RHPN1: variants seen among roughly 807,000 people sequenced by gnomAD.
RHPN1 encodes the protein rhophilin-1.
Under a neutral mutation model 74.7 loss-of-function variants are expected in RHPN1, and 77 were observed. The observed-to-expected ratio is 1.03, with a 90% CI of 0.86 to 1.25. RHPN1 has a LOEUF of 1.25. Among genes scored for constraint, RHPN1 ranks in the 50% most tolerant of loss-of-function variants. RHPN1 has a pLI of 0.00. For missense variants in RHPN1, 987 were observed against 932.2 expected (o/e 1.06, Z -0.77); for synonymous variants, 444 against 414.5 (o/e 1.07, Z -0.87).
At chr8:143,368,480 C>G (rs988735665), upstream of RHPN1, 1 of 152,484 alleles carries the variant, frequency 6.6e-6, no homozygotes, top group African/African-American at 2.4e-5. Flanking sequence ...AGCGGGCAGA[C>G]TCCTGGAGTC....
At chr8:143,374,991 A>G (rs1391084078) in intron 1 of RHPN1, among the ~76,000 whole-genome samples, 1 of 152,182 alleles carries the variant, frequency 6.6e-6, no homozygotes, top group East Asian at 1.9e-4. Context: ...AACCATTCCC[A>G]AAGTCAGACC....
intron 1 of RHPN1, among the ~76,000 whole-genome samples, chr8:143,371,323 G>T (rs1462332349): frequency 6.6e-6 from 1 of 152,152 alleles, no homozygotes; most frequent in Non-Finnish European, 1.5e-5. Context: ...CTTGCATTCA[G>T]GTGAGACTTC....
Position 143,375,533 on chromosome 8 carries a change from C to T in RHPN1, c.61-20C>T, listed in dbSNP as rs770093608. 1.7e-5 allele frequency: 27 copies of T among 1,549,280 alleles called. No individual in the cohort carries two copies. Among genetic ancestry groups the T allele is most frequent in the Admixed American group, 4.1e-5 (2 of 48,364 alleles). On this transcript the variant is annotated intron_variant, in intron 1 of 14. Coordinates refer to ENST00000289013, the MANE Select transcript of RHPN1 (RefSeq NM_052924.3). ...GGGCGCCACGGGGTCGGGCTGTGAT[C>T]GCCTGTGGCCTCCCTGCAGGGCTGT...
chr8:143,380,413 C>T lies in RHPN1; in HGVS notation c.1217-176C>T, dbSNP rs1586830853. On this transcript the variant is annotated intron_variant, in intron 10 of 14. Transcript: ENST00000289013. ...ACTGGGAGCAGCTCATCCCTGGCCC[C>T]TGCTTTGCACGTGGCAGAGCCCTCC... 5 of 672,342 alleles carry T rather than the reference C, an allele frequency of 7.4e-6. No individual in the cohort carries two copies. The East Asian group carries it at 1.1e-4, about 15-fold the overall frequency. 41.6% of individuals were successfully genotyped at this position (672,342 alleles called of 1,614,324 possible). A position where few individuals can be genotyped will look rare whatever the true frequency, so the allele number is the denominator to read the frequency against.
At chr8:143,381,496 G>A in intron 12 of RHPN1, 76 bp from the exon 13 acceptor site, 1 of 1,525,444 alleles carries the variant, frequency 6.6e-7, no homozygotes, top group Non-Finnish European at 8.8e-7. Context: ...TGCACAGGTT[G>A]GATGGATGTG....
At chr8:143,381,427 C>A (rs777467637) in intron 12 of RHPN1, 83 bp downstream of exon 12, 506 of 1,464,542 alleles carry the variant, frequency 3.5e-4, no homozygotes, top group Non-Finnish European at 4.3e-4. Flanking sequence ...CTCAGACAGG[C>A]CATTGATGGT....
Position 143,384,153 on chromosome 8 carries a change from A to C in RHPN1, c.*1502A>C, listed in dbSNP as rs1360079518. ...TGTGGGAAAATCCCTGTCTCAGCAGAATGGGCCAAGGTCACGCAGGTCTCC... is the reference window on the plus strand; with the variant it reads ...TGTGGGAAAATCCCTGTCTCAGCAGCATGGGCCAAGGTCACGCAGGTCTCC... On this transcript the variant is annotated 3_prime_UTR_variant, in exon 15 of 15. Transcript: ENST00000289013. 6.6e-6 allele frequency: 1 copy of C among 152,088 alleles called. No individual in the cohort carries two copies. The highest frequency in any genetic ancestry group is 1.5e-5 in the Non-Finnish European group (1 of 68,022). 9.4% of individuals were successfully genotyped at this position (152,088 alleles called of 1,614,324 possible). A position where few individuals can be genotyped will look rare whatever the true frequency, so the allele number is the denominator to read the frequency against.
rs184165392 is a variant in RHPN1, at chr8:143,375,677, T to C, written c.176+9T>C. On this transcript the variant is annotated intron_variant, in intron 2 of 14. Transcript: ENST00000289013. ...GCTGAGAACCTCTACAGGTCAGTGC[T>C]TGAGACTGCCCGGCCCCGGGAGCAG... 7.5e-5 allele frequency: 120 copies of C among 1,592,398 alleles called. No individual in the cohort carries two copies. In the Middle Eastern group the frequency reaches 1.3e-3, roughly 18 times the overall value.
chr8:143,379,247 G>C, intron 7 of RHPN1, 68 bp from the exon 8 acceptor site: 3 of 1,461,456 alleles, frequency 2.1e-6, no homozygotes, highest in Non-Finnish European at 2.7e-6. Context: ...TGGCCGCCCT[G>C]AGTGCTGCAT....
In RHPN1 at chr8:143,378,157, C is replaced by T. The variant is rs187358916; in HGVS notation, c.382-112C>T. 1.7e-4 allele frequency: 156 copies of T among 903,368 alleles called. No individual in the cohort carries two copies. In the African/African-American group the frequency reaches 2.0e-3, roughly 12 times the overall value. The allele number at this position is 903,368 out of a possible 1,614,324, so 56.0% of individuals were successfully genotyped here. ...GCTGCATGGCAGCCAGCCTGCTCTG[C>T]GGCACAGACCCTCCCTCCACCATGA... On this transcript the variant is annotated intron_variant, in intron 4 of 14. Transcript: ENST00000289013.
chr8:143,374,286 A>T (rs560169305), intron 1 of RHPN1: 12 of 985,346 alleles, frequency 1.2e-5, no homozygotes, highest in Non-Finnish European at 1.3e-5. Context: ...CCGCAGCTTC[A>T]TGCAGTGGTA....
intron 10 of RHPN1, 76 bp downstream of exon 10, chr8:143,380,251 A>G: frequency 9.8e-7 from 1 of 1,022,336 alleles, no homozygotes; most frequent in South Asian, 1.6e-5. Context: ...CACCACCCTC[A>G]TGCTGTTTGC....
At position 143,378,269 on chromosome 8, in the gene RHPN1, G is replaced by A. The variant is rs905784139; in HGVS notation, c.382G>A (p.Glu128Lys). Residue 128 changes from glutamate (E) to lysine (K), a missense_variant and splice_region_variant, in exon 5 of 15, where the codon GAG becomes AAG. Coordinates refer to ENST00000289013, the MANE Select transcript of RHPN1 (RefSeq NM_052924.3). ...GATGCCAACACCTGCCCCCCATCAGGAGCTGATCTCAGTGCACTTTGGAGA... is the reference window on the plus strand; with the variant it reads ...GATGCCAACACCTGCCCCCCATCAGAAGCTGATCTCAGTGCACTTTGGAGA... ...KELDWSTPLK[E>K]LISVHFGEDG... is the part of the protein sequence containing the mutation. 2.3e-5 allele frequency: 36 copies of A among 1,569,828 alleles called. No homozygotes were observed. The highest frequency in any genetic ancestry group is 2.9e-5 in the Non-Finnish European group (34 of 1,157,666).
At chr8:143,375,042 C>A (rs1044123997) in intron 1 of RHPN1, among the ~76,000 whole-genome samples, 1 of 152,186 alleles carries the variant, frequency 6.6e-6, no homozygotes, top group Non-Finnish European at 1.5e-5. Flanking sequence ...TGGCCGCCCC[C>A]AGAGCCTCAG....
chr8:143,382,485 A>G lies in RHPN1; in HGVS notation c.1847A>G (p.Gln616Arg), dbSNP rs774141998. ...LLGPRGLLRS[Q>R]REHGCKTPAS... Reference sequence around the variant, plus strand: ...GGCCCCAGGGGGCTTCTAAGGAGCCAGAGGGAGCATGGTTGCAAGACCCCG... The same window carrying G: ...GGCCCCAGGGGGCTTCTAAGGAGCCGGAGGGAGCATGGTTGCAAGACCCCG... Residue 616 changes from glutamine to arginine, a missense_variant, in exon 15 of 15, where the codon CAG (glutamine) becomes CGG (arginine). By Grantham distance (43) the Gln-to-Arg change is conservative. Coordinates refer to ENST00000289013, the MANE Select transcript of RHPN1 (RefSeq NM_052924.3). The G allele has an allele frequency of 3.7e-6, 6 of 1,601,832 alleles. No homozygotes were observed. Among genetic ancestry groups the G allele is most frequent in the Non-Finnish European group, 5.1e-6 (6 of 1,175,160 alleles).
At position 143,382,637 on chromosome 8, in the gene RHPN1, C is replaced by A. The variant is rs1256429357; in HGVS notation, c.1999C>A (p.Pro667Thr). Residue 667 changes from proline (P) to threonine (T), a missense_variant, in exon 15 of 15, where the codon CCA (proline) becomes ACA (threonine). Physicochemically the swap from Pro to Thr is conservative, Grantham distance 38. Transcript: ENST00000289013. ...KPAPPSSLKHPGWP is the reference protein window; with the variant it reads ...KPAPPSSLKHTGWP ...AGCTCCGCCCTCATCCTTGAAGCAC[C>A]CAGGGTGGCCGTGAGGGCCAGGATC... 6.2e-7 allele frequency: 1 copy of A among 1,609,700 alleles called. No homozygotes were observed. The highest frequency in any genetic ancestry group is 1.1e-5 in the South Asian group (1 of 90,936).
chr8:143,378,842 G>A, intron 6 of RHPN1, 22 bp downstream of exon 6: 1 of 1,566,090 alleles, frequency 6.4e-7, no homozygotes, highest in Non-Finnish European at 8.6e-7. Context: ...GCGGGCGGAG[G>A]CACCCTGGGG....
intron 12 of RHPN1, 51 bp downstream of exon 12, chr8:143,381,395 G>T: frequency 6.5e-7 from 1 of 1,547,158 alleles, no homozygotes; most frequent in Non-Finnish European, 8.8e-7. Flanking sequence ...CTTGGGCTGT[G>T]TGGCTCTGAC....
rs1818591945 is a variant in RHPN1 at position 143,379,936 on chromosome 8, C to G, written c.1053C>G (p.Phe351Leu). 1 of 1,587,792 alleles carries G rather than the reference C, an allele frequency of 6.3e-7. No homozygotes were observed. Among genetic ancestry groups the G allele is most frequent in the Non-Finnish European group, 8.6e-7 (1 of 1,168,130 alleles). Reference protein sequence around the residue: ...TALVHVKAEYFRSLAHYHVAM... With the variant: ...TALVHVKAEYLRSLAHYHVAM... Reference sequence around the variant, plus strand: ...TGGTGCATGTCAAGGCCGAGTACTTCCGCTCCCTGGCCCACTACCACGTAG... The same window carrying G: ...TGGTGCATGTCAAGGCCGAGTACTTGCGCTCCCTGGCCCACTACCACGTAG... Residue 351 changes from phenylalanine (F) to leucine (L), a missense_variant, in exon 9 of 15, where the codon TTC (phenylalanine) becomes TTG (leucine). Transcript: ENST00000289013.
Sources: allele counts gnomAD v4.1 joint callset (sites outside exome capture counted in the v4.1 genomes callset), GRCh38; gene constraint gnomAD v4.1.1; transcripts MANE v1.5; gene names NCBI Gene and HGNC (gene_info 2026-07-23, HGNC 2026-07-21).